Variants in UACA observed in about 807,000 individuals in gnomAD.
The protein encoded by UACA is uveal autoantigen with coiled-coil domains and ankyrin repeats, also known as nuclear membrane binding protein.
Under a neutral mutation model 160.5 loss-of-function variants are expected in UACA, and 112 were observed. That is an observed-to-expected ratio of 0.70 (90% CI 0.60 to 0.82). The LOEUF is 0.82. UACA is among the 40% of genes least tolerant of loss of function. UACA has a pLI of 0.00. For synonymous variants in UACA, 557 were observed against 568.4 expected (o/e 0.98, Z 0.29); for missense variants, 1,574 against 1,614.6 (o/e 0.97, Z 0.43).
rs1226548708 is a variant in UACA at position 70,761,223 on chromosome 15, T to C, written c.78+2107A>G. Among the ~76,000 whole-genome samples the C allele has an allele frequency of 3.9e-5, 6 of 152,212 alleles. No homozygotes were observed. The South Asian group carries it at 1.0e-3, about 26-fold the overall frequency. ...TTGCTTGTATATGCTAAGCTCTCTC[T>C]GGAGGAACATGCAAGCAACTGTATC... On this transcript the variant is annotated intron_variant, in intron 1 of 18. Coordinates refer to ENST00000322954, the MANE Select transcript of UACA (RefSeq NM_018003.4).
In UACA at chr15:70,666,949, T is replaced by G. The variant is rs1225658987; in HGVS notation, c.3735A>C (p.Glu1245Asp). The change falls in exon 16 of 19, where the codon GAA (glutamate) becomes GAC (aspartate). Residue 1245 changes from glutamate (E) to aspartate (D), a missense_variant. By Grantham distance (45) the Glu-to-Asp change is conservative. Coordinates refer to ENST00000322954, the MANE Select transcript of UACA (RefSeq NM_018003.4). ...ACTTTCTATTCAGATTGGCCAATTT[T>G]TCATTTAAGCTAGAAATCTGTGTCT... ...DLETQISSLN[E>D]KLANLNRKYE... 5 of 1,612,202 alleles carry G rather than the reference T, an allele frequency of 3.1e-6. No homozygotes were observed. Among genetic ancestry groups the G allele is most frequent in the Non-Finnish European group, 4.2e-6 (5 of 1,179,666 alleles).
chr15:70,689,284 C>T (rs1053785555), intron 5 of UACA, among the ~76,000 whole-genome samples: 1 of 152,068 alleles, frequency 6.6e-6, no homozygotes, highest in Non-Finnish European at 1.5e-5. Context: ...TTTTAATAAG[C>T]AGCTGATATT....
chr15:70,746,405 T>C (rs1055544965), intron 1 of UACA, among the ~76,000 whole-genome samples: 2 of 152,150 alleles, frequency 1.3e-5, no homozygotes, highest in African/African-American at 4.8e-5. Context: ...TCACTGGTCA[T>C]TAGAGAAATG....
At chr15:70,711,040 G>C (rs1194493970) in intron 1 of UACA, among the ~76,000 whole-genome samples, 1 of 152,092 alleles carries the variant, frequency 6.6e-6, no homozygotes, top group Non-Finnish European at 1.5e-5. Context: ...CTATCTAGGG[G>C]CTCCCAGTCA....
intron 1 of UACA, among the ~76,000 whole-genome samples, chr15:70,762,191 C>G (rs1453487273): frequency 2.0e-5 from 3 of 152,126 alleles, no homozygotes; most frequent in African/African-American, 4.8e-5. Context: ...GGTAGTTCCT[C>G]CACAATTTCC....
chr15:70,704,644 A>C (rs1227260522), intron 1 of UACA, among the ~76,000 whole-genome samples: 1 of 152,226 alleles, frequency 6.6e-6, no homozygotes, highest in Non-Finnish European at 1.5e-5. Flanking sequence ...TAGAGAACCT[A>C]TATGTGTAAA....
chr15:70,678,333 T>G (rs918062859), intron 10 of UACA, 127 bp from the exon 11 acceptor site: 4 of 530,638 alleles, frequency 7.5e-6, no homozygotes, highest in African/African-American at 1.9e-5. Context: ...GTACAAAAGA[T>G]ACAATAATTT....
At chr15:70,754,047 C>G (rs2030256887) in intron 1 of UACA, 1 of 450,032 alleles carries the variant, frequency 2.2e-6, no homozygotes, top group African/African-American at 2.0e-5. Context: ...CTCAAGTGAT[C>G]CGCCCACCTC....
intron 4 of UACA, among the ~76,000 whole-genome samples, chr15:70,690,791 C>G (rs979493367): frequency 2.0e-5 from 3 of 150,982 alleles, no homozygotes; most frequent in African/African-American, 7.3e-5. Context: ...TTTTTTCCAC[C>G]AAGAATTAAA....
chr15:70,714,068 G>A (rs1898758816), intron 1 of UACA, among the ~76,000 whole-genome samples: 1 of 152,048 alleles, frequency 6.6e-6, no homozygotes, highest in Non-Finnish European at 1.5e-5. Flanking sequence ...AAAGTACACA[G>A]GCTTCTATAG....
rs528938695 is a variant in UACA at position 70,660,469 on chromosome 15, T to C, written c.4114-253A>G. On this transcript the variant is annotated intron_variant, in intron 17 of 18. Transcript: ENST00000322954. ...AACATCAAATTATTGCTTTAGTTCA[T>C]ATCTAGTGCCATGAACTTCTGAAGA... 2.7e-5 allele frequency: 12 copies of C among 436,392 alleles called. No homozygotes were observed. The South Asian group carries it at 4.0e-4, about 15-fold the overall frequency. 27.0% of individuals were successfully genotyped at this position (436,392 alleles called of 1,614,324 possible). A position where few individuals can be genotyped will look rare whatever the true frequency, so the allele number is the denominator to read the frequency against.
At chr15:70,723,611 T>C (rs906259670) in intron 1 of UACA, among the ~76,000 whole-genome samples, 5 of 151,792 alleles carry the variant, frequency 3.3e-5, no homozygotes, top group Admixed American at 6.6e-5. Flanking sequence ...AACTCATTTT[T>C]CAGATCTCAT....
chr15:70,667,351 A>G lies in UACA; in HGVS notation c.3333T>C (p.His1111=), dbSNP rs1566963385. ...LAVQNLLQKQ[H]VPLEQVEALK... is the part of the protein sequence containing the mutation. The stretch of plus-strand genomic sequence containing the variant: ...GAGCCTCAACCTGTTCCAATGGAAC[A>G]TGTTGTTTTTGCAAAAGATTTTGCA... The change falls in exon 16 of 19, where the codon CAT becomes CAC. Residue 1111 remains histidine (H), a synonymous_variant. Coordinates refer to ENST00000322954, the MANE Select transcript of UACA (RefSeq NM_018003.4). The G allele has an allele frequency of 6.2e-7, 1 of 1,613,112 alleles. No homozygotes were observed. Among genetic ancestry groups the G allele is most frequent in the South Asian group, 1.1e-5 (1 of 90,866 alleles).
At chr15:70,752,256 A>C (rs1036902278) in intron 1 of UACA, among the ~76,000 whole-genome samples, 5 of 144,030 alleles carry the variant, frequency 3.5e-5, no homozygotes, top group East Asian at 4.0e-4. Flanking sequence ...AAAAAAAAAA[A>C]AACTTCTCAC....
At chr15:70,750,374 C>T (rs2029971050) in intron 1 of UACA, among the ~76,000 whole-genome samples, 1 of 152,174 alleles carries the variant, frequency 6.6e-6, no homozygotes, top group African/African-American at 2.4e-5. Context: ...CCCCAAACCT[C>T]TACTTCCTAC....
At chr15:70,696,422 T>C (rs573114148) in intron 2 of UACA, among the ~76,000 whole-genome samples, 16 of 152,186 alleles carry the variant, frequency 1.1e-4, no homozygotes, top group Non-Finnish European at 1.9e-4. Context: ...CCTCAAATAT[T>C]TGAATAACTG....
chr15:70,669,910 A>C (rs1897077212), intron 15 of UACA, among the ~76,000 whole-genome samples: 1 of 152,220 alleles, frequency 6.6e-6, no homozygotes, highest in Non-Finnish European at 1.5e-5. Flanking sequence ...GCGATTTTAA[A>C]TTTGCAGATA....
chr15:70,751,242 C>A (rs1196206416), intron 1 of UACA, among the ~76,000 whole-genome samples: 1 of 152,160 alleles, frequency 6.6e-6, no homozygotes, highest in Non-Finnish European at 1.5e-5. Flanking sequence ...TCTCACCCTG[C>A]AGTGCTTAGC....
intron 11 of UACA, 81 bp from the exon 12 acceptor site, chr15:70,677,221 A>G: frequency 9.3e-7 from 1 of 1,074,232 alleles, no homozygotes; most frequent in Admixed American, 2.2e-5. Context: ...GATATTTTAA[A>G]AAGATTGGCA....
Sources: allele counts gnomAD v4.1 joint callset (sites outside exome capture counted in the v4.1 genomes callset), GRCh38; gene constraint gnomAD v4.1.1; transcripts MANE v1.5; gene names NCBI Gene and HGNC (gene_info 2026-07-23, HGNC 2026-07-21).